The following UNC5C variants were observed in gnomAD, a reference collection of about 807,000 sequenced individuals.
UNC5C encodes the protein unc-5 netrin receptor C.
A neutral mutation model predicts 99.8 loss-of-function variants in UNC5C; 47 were observed. The observed-to-expected ratio is 0.47, with a 90% confidence interval of 0.37 to 0.60. UNC5C has a LOEUF of 0.60. Ranked by LOEUF, UNC5C falls within the 20% of genes least tolerant of loss-of-function variation. The pLI is 0.00. For missense variants in UNC5C, 1,062 were observed against 1,165.9 expected (o/e 0.91, Z 1.30); for synonymous variants, 487 against 452.2 (o/e 1.08, Z -0.98).
chr4:95,278,254 T>C lies in UNC5C; in HGVS notation c.594+5A>G. ...TGCTAAATGCAAAGAATTGTTGTTA[T>C]TCACCTCAGCCACTGGGATCCCTTC... On this transcript the variant is annotated splice_donor_5th_base_variant and intron_variant, in intron 4 of 15. Transcript: ENST00000453304. 1 of 1,611,814 alleles carries C rather than the reference T, an allele frequency of 6.2e-7. No homozygotes were observed. Among genetic ancestry groups the C allele is most frequent in the Non-Finnish European group, 8.5e-7 (1 of 1,177,930 alleles).
intron 1 of UNC5C, 71 bp from the exon 2 acceptor site, chr4:95,335,702 TA>T: frequency 8.1e-7 from 1 of 1,240,100 alleles, no homozygotes; most frequent in Non-Finnish European, 1.1e-6. Context: ...GCTAGTCATG[TA>T]AAAATAGTGA....
At chr4:95,370,718 T>C (rs1005514388) in intron 1 of UNC5C, among the ~76,000 whole-genome samples, 2 of 152,228 alleles carry the variant, frequency 1.3e-5, no homozygotes, top group African/African-American at 4.8e-5. Context: ...GCACCACCCA[T>C]TGTGGGTGAC....
At chr4:95,482,292 A>G (rs1252904385) in intron 1 of UNC5C, among the ~76,000 whole-genome samples, 1 of 152,050 alleles carries the variant, frequency 6.6e-6, no homozygotes, top group African/African-American at 2.4e-5. Context: ...AGAAATGCAA[A>G]TCAAAACCAC....
intron 2 of UNC5C, among the ~76,000 whole-genome samples, chr4:95,331,403 T>C (rs545770850): frequency 7.8e-4 from 118 of 152,122 alleles, no homozygotes; most frequent in Non-Finnish European, 1.5e-3. Flanking sequence ...TACTGTTTTC[T>C]ATAGAGGTTG....
chr4:95,301,341 G>C (rs1405837767), intron 3 of UNC5C, among the ~76,000 whole-genome samples: 1 of 151,842 alleles, frequency 6.6e-6, no homozygotes, highest in Non-Finnish European at 1.5e-5. Context: ...GACTACAGGC[G>C]CCTGCCACCA....
At chr4:95,473,906 C>G (rs1001718552) in intron 1 of UNC5C, among the ~76,000 whole-genome samples, 1 of 152,076 alleles carries the variant, frequency 6.6e-6, no homozygotes, top group African/African-American at 2.4e-5. Flanking sequence ...CACCTGATTT[C>G]AAGGTCCAAA....
At chr4:95,541,013 A>G (rs554127279) in intron 1 of UNC5C, among the ~76,000 whole-genome samples, 67 of 152,202 alleles carry the variant, frequency 4.4e-4, no homozygotes, top group Non-Finnish European at 8.1e-4. Context: ...TGAAATTCCA[A>G]AAAGATATTA....
chr4:95,529,600 C>A (rs1468003622), intron 1 of UNC5C, among the ~76,000 whole-genome samples: 2 of 151,568 alleles, frequency 1.3e-5, no homozygotes, highest in Admixed American at 1.3e-4. Context: ...GTGGTGCATC[C>A]CTGTAGGTCC....
At chr4:95,354,479 A>ATATATATATATATATATTTTTTTTTTT in intron 1 of UNC5C, among the ~76,000 whole-genome samples, 2 of 110,350 alleles carry the variant, frequency 1.8e-5, no homozygotes, top group African/African-American at 8.1e-5. Context: ...ATATATATAT[A>ATATATATATATATATATTTTTTTTTTT]TTTTTTTTTT....
chr4:95,513,255 T>A (rs1056233570), intron 1 of UNC5C, among the ~76,000 whole-genome samples: 1 of 152,230 alleles, frequency 6.6e-6, no homozygotes, highest in Non-Finnish European at 1.5e-5. Context: ...TGAATTTTTC[T>A]TTGTAATCTA....
intron 1 of UNC5C, among the ~76,000 whole-genome samples, chr4:95,365,943 T>TG (rs1744550882): frequency 6.7e-6 from 1 of 148,270 alleles, no homozygotes; most frequent in Admixed American, 6.7e-5. Flanking sequence ...TCTGAGAAGT[T>TG]TTTTTTTTTT....
chr4:95,397,378 G>T (rs912892016), intron 1 of UNC5C, among the ~76,000 whole-genome samples: 2 of 152,066 alleles, frequency 1.3e-5, no homozygotes, highest in Non-Finnish European at 2.9e-5. Context: ...TTGATATTTG[G>T]CTAATCCCAT....
chr4:95,368,635 T>C (rs983261711), intron 1 of UNC5C, among the ~76,000 whole-genome samples: 1 of 152,162 alleles, frequency 6.6e-6, no homozygotes, highest in Non-Finnish European at 1.5e-5. Flanking sequence ...CCAAATCAAG[T>C]GTTTGAGATG....
chr4:95,194,290 T>A (rs1037684315), intron 12 of UNC5C, among the ~76,000 whole-genome samples: 1 of 152,224 alleles, frequency 6.6e-6, no homozygotes, highest in African/African-American at 2.4e-5. Context: ...ACTTTTGAAG[T>A]CATCTTGTGT....
chr4:95,448,461 G>A (rs1747185310), intron 1 of UNC5C, among the ~76,000 whole-genome samples: 1 of 152,044 alleles, frequency 6.6e-6, no homozygotes, highest in Admixed American at 6.6e-5. Flanking sequence ...ATTATTGTGA[G>A]GATCAAATTA....
chr4:95,519,213 G>A (rs1722290678), intron 1 of UNC5C, among the ~76,000 whole-genome samples: 1 of 152,128 alleles, frequency 6.6e-6, no homozygotes, highest in African/African-American at 2.4e-5. Context: ...TTCTAGGGGA[G>A]TAGTAATTGA....
chr4:95,186,506 T>G (rs1261394024), intron 12 of UNC5C, among the ~76,000 whole-genome samples: 1 of 152,180 alleles, frequency 6.6e-6, no homozygotes, highest in African/African-American at 2.4e-5. Flanking sequence ...ACCACGATCA[T>G]TGATTACATG....
At chr4:95,469,132 TC>T (rs1268536438) in intron 1 of UNC5C, among the ~76,000 whole-genome samples, 1 of 152,110 alleles carries the variant, frequency 6.6e-6, no homozygotes, top group African/African-American at 2.4e-5. Flanking sequence ...TCACTTCTCT[TC>T]CTTACCAGTA....
intron 1 of UNC5C, among the ~76,000 whole-genome samples, chr4:95,440,109 G>A (rs917865288): frequency 2.6e-5 from 4 of 152,140 alleles, no homozygotes; most frequent in Admixed American, 6.6e-5. Context: ...GCAATGCAGC[G>A]ACCCTCAGAT....
Sources: allele counts gnomAD v4.1 joint callset (sites outside exome capture counted in the v4.1 genomes callset), GRCh38; gene constraint gnomAD v4.1.1; transcripts MANE v1.5; gene names NCBI Gene and HGNC (gene_info 2026-07-23, HGNC 2026-07-21).